The following RPTOR variants were observed in gnomAD, a reference collection of about 807,000 sequenced individuals.
RPTOR encodes the protein regulatory associated protein of MTOR complex 1.
In RPTOR, 21 loss-of-function variants were observed where a neutral mutation model predicts 169.9. The observed-to-expected ratio is 0.12, with a 90% CI of 0.09 to 0.18. The LOEUF (loss-of-function observed/expected upper bound fraction) is 0.18. Among genes scored for constraint, RPTOR ranks in the 10% least tolerant of loss-of-function variants. The pLI is 1.00. For missense variants in RPTOR, 1,133 were observed against 1,855.9 expected (o/e 0.61, Z 7.16); for synonymous variants, 732 against 753.2 (o/e 0.97, Z 0.46).
At chr17:80,714,095 C>T (rs1260688003) in intron 4 of RPTOR, among the ~76,000 whole-genome samples, 3 of 152,148 alleles carry the variant, frequency 2.0e-5, no homozygotes, top group Non-Finnish European at 2.9e-5. Flanking sequence ...CCCACCACCA[C>T]GCCTGGCTAA....
intron 6 of RPTOR, among the ~76,000 whole-genome samples, chr17:80,760,048 A>G (rs948326249): frequency 2.0e-5 from 3 of 152,074 alleles, no homozygotes; most frequent in Admixed American, 6.5e-5. Flanking sequence ...ATATTTCACT[A>G]TGTTGAAGTT....
At chr17:80,873,900 G>A (rs1306245619) in intron 13 of RPTOR, among the ~76,000 whole-genome samples, 4 of 152,158 alleles carry the variant, frequency 2.6e-5, no homozygotes, top group African/African-American at 9.7e-5. Flanking sequence ...GTCTGTGCTG[G>A]GGAAGTCGTG....
In RPTOR at chr17:80,861,336, C is replaced by A. The variant is rs181551921; in HGVS notation, c.1509+3436C>A. On this transcript the variant is annotated intron_variant, in intron 13 of 33. Coordinates refer to ENST00000306801, the MANE Select transcript of RPTOR (RefSeq NM_020761.3). The surrounding 1 kb of genome is among the most constrained non-coding windows in gnomAD (Gnocchi z 4.5). ...GGAACAGGACCAGGAAGGGGCACCA[C>A]GTAAATCTCACATCTCTCCTGCCTG... 6.5e-4 allele frequency among the ~76,000 whole-genome samples: 94 copies of A among 144,718 alleles called. 2 individuals carry two copies. Among genetic ancestry groups the A allele is most frequent in the African/African-American group, 2.3e-3 (93 of 40,988 alleles). The allele number at this position is 144,718 out of a possible 152,430, so 94.9% of individuals were successfully genotyped here.
chr17:80,885,637 G>T (rs369832445), intron 17 of RPTOR, among the ~76,000 whole-genome samples: 1 of 152,114 alleles, frequency 6.6e-6, no homozygotes, highest in Admixed American at 6.5e-5. Flanking sequence ...TCCGCCTCCC[G>T]GGTTCATGCC....
chr17:80,561,894 GTC>G (rs2084502050), intron 1 of RPTOR, among the ~76,000 whole-genome samples: 1 of 152,140 alleles, frequency 6.6e-6, no homozygotes, highest in Non-Finnish European at 1.5e-5. Context: ...GTGTGTGTGA[GTC>G]TGTGTGTATG....
At chr17:80,578,086 C>T (rs977866220) in intron 1 of RPTOR, among the ~76,000 whole-genome samples, 4 of 152,096 alleles carry the variant, frequency 2.6e-5, no homozygotes, top group Admixed American at 6.6e-5. Context: ...AAAGATTGCA[C>T]GTTACATTGG....
chr17:80,891,920 C>G, intron 18 of RPTOR, 83 bp downstream of exon 18: 1 of 917,008 alleles, frequency 1.1e-6, no homozygotes, highest in Non-Finnish European at 1.7e-6. Context: ...TGCTCACCCT[C>G]GCAGAGTCTA....
intron 1 of RPTOR, among the ~76,000 whole-genome samples, chr17:80,564,686 G>A (rs2084554566): frequency 6.7e-6 from 1 of 149,408 alleles, no homozygotes; most frequent in African/African-American, 2.5e-5. Flanking sequence ...AGATTGTTTT[G>A]TCAGCCAGGT....
chr17:80,769,640 C>T (rs1598292742), intron 6 of RPTOR, among the ~76,000 whole-genome samples: 1 of 152,140 alleles, frequency 6.6e-6, no homozygotes, highest in Non-Finnish European at 1.5e-5. Flanking sequence ...CTTCTGCTTG[C>T]CTTGGAGGCA....
At chr17:80,879,433 C>T (rs889610659) in intron 13 of RPTOR, among the ~76,000 whole-genome samples, 1 of 140,752 alleles carries the variant, frequency 7.1e-6, no homozygotes, top group African/African-American at 2.6e-5. Flanking sequence ...GCCCCTTTCT[C>T]CTCCCACTCC....
intron 8 of RPTOR, 140 bp from the exon 9 acceptor site, chr17:80,822,939 G>T: frequency 4.1e-6 from 3 of 727,906 alleles, no homozygotes; most frequent in African/African-American, 3.6e-5. Context: ...GTGTTTAAGC[G>T]TGTGTGTGTG....
intron 1 of RPTOR, among the ~76,000 whole-genome samples, chr17:80,574,137 A>G (rs1208871919): frequency 6.7e-6 from 1 of 148,954 alleles, no homozygotes; most frequent in Non-Finnish European, 1.5e-5. Context: ...AGCTTTTAAG[A>G]TGGTTTTTTT....
chr17:80,911,146 C>A (rs2068608564), intron 21 of RPTOR, among the ~76,000 whole-genome samples: 1 of 152,180 alleles, frequency 6.6e-6, no homozygotes, highest in Admixed American at 6.5e-5. Flanking sequence ...TTTATGGTAT[C>A]ACCGGTATAG....
chr17:80,877,132 C>G (rs572037268), intron 13 of RPTOR, among the ~76,000 whole-genome samples: 4 of 152,280 alleles, frequency 2.6e-5, no homozygotes, highest in Admixed American at 6.5e-5. Flanking sequence ...CCGTTCTGCG[C>G]GTGTGTGGTT....
Position 80,754,949 on chromosome 17 carries a change from G to A in RPTOR, c.830+764G>A, listed in dbSNP as rs574323238. ...GCTGTCGGCCGAGGACACTCTTGAG[G>A]CTTCTGTCAAGATGGCCTAACACTC... On this transcript the variant is annotated intron_variant, in intron 6 of 33. Transcript: ENST00000306801. The surrounding 1 kb of genome is among the most constrained non-coding windows in gnomAD (Gnocchi z 4.2). Among the ~76,000 whole-genome samples the A allele has an allele frequency of 4.6e-5, 7 of 152,310 alleles. No homozygotes were observed. Among genetic ancestry groups the A allele is most frequent in the Admixed American group, 3.3e-4 (5 of 15,304 alleles).
At chr17:80,935,823 A>G (rs1404746363) in intron 24 of RPTOR, among the ~76,000 whole-genome samples, 1 of 152,244 alleles carries the variant, frequency 6.6e-6, no homozygotes, top group Non-Finnish European at 1.5e-5. Flanking sequence ...GTCTTCTTTA[A>G]TAAGATGCAA....
At position 80,893,395 on chromosome 17, in the gene RPTOR, G is replaced by GGTGT. The variant is rs3042650; in HGVS notation, c.2243-299_2243-296dup. ...GTGCACAAGGGTGTGTGCATGCCAG[G>GGTGT]GTGTGTGTGTGTGTGTACAAGGGTG... On this transcript the variant is annotated intron_variant, in intron 19 of 33. Transcript: ENST00000306801. Among the ~76,000 whole-genome samples, 371 of 139,244 alleles carry GGTGT rather than the reference G, an allele frequency of 2.7e-3. 3 individuals are homozygous for GGTGT. The highest frequency in any genetic ancestry group is 7.5e-3 in the African/African-American group (265 of 35,500). 91.3% of individuals were successfully genotyped at this position (139,244 alleles called of 152,430 possible). A position where few individuals can be genotyped will look rare whatever the true frequency, so the allele number is the denominator to read the frequency against.
intron 6 of RPTOR, among the ~76,000 whole-genome samples, chr17:80,756,901 C>T (rs1188424664): frequency 6.6e-6 from 1 of 152,028 alleles, no homozygotes; most frequent in Non-Finnish European, 1.5e-5. Flanking sequence ...TATAGCAACA[C>T]AAAACAGACA....
intron 1 of RPTOR, among the ~76,000 whole-genome samples, chr17:80,565,222 A>G (rs2084565377): frequency 6.6e-6 from 1 of 152,186 alleles, no homozygotes; most frequent in African/African-American, 2.4e-5. Flanking sequence ...TACCCTTGAG[A>G]CTTGTACAGA....
Sources: gnomAD v4.1 joint callset for allele counts (sites outside exome capture counted in the v4.1 genomes callset) on GRCh38, gnomAD v4.1.1 for gene constraint, Gnocchi (gnomAD v3.1) non-coding constraint, MANE v1.5 for transcripts, NCBI Gene and HGNC (gene_info 2026-07-23, HGNC 2026-07-21) for gene names.